SFMBT1: variants seen among roughly 807,000 people sequenced by gnomAD.
The protein encoded by SFMBT1 is scm-like with four MBT domains protein 1.
Under a neutral mutation model 108.7 loss-of-function variants are expected in SFMBT1, and 32 were observed. The observed-to-expected ratio is 0.29, with a 90% CI of 0.22 to 0.40. The LOEUF is 0.40. Ranked by LOEUF, SFMBT1 falls within the 10% of genes least tolerant of loss-of-function variation. The pLI, the probability that SFMBT1 is intolerant of heterozygous loss-of-function variation, is 1.00. For missense variants in SFMBT1, 816 were observed against 1,059.6 expected, an observed-to-expected ratio of 0.77 and a Z score of 3.19; for synonymous variants, 348 against 369.5, an observed-to-expected ratio of 0.94 and a Z score of 0.67.
At chr3:53,015,404 C>T (rs1368045759) in intron 1 of SFMBT1, among the ~76,000 whole-genome samples, 1 of 152,050 alleles carries the variant, frequency 6.6e-6, no homozygotes, top group Non-Finnish European at 1.5e-5. Context: ...ATAAGAGTTA[C>T]CATAGACCCA....
chr3:52,997,074 A>C (rs1006374684), intron 1 of SFMBT1, among the ~76,000 whole-genome samples: 1 of 149,260 alleles, frequency 6.7e-6, no homozygotes, highest in South Asian at 2.1e-4. Context: ...GTCTCAAAAA[A>C]AAACAAAAAC....
chr3:52,918,481 T>C lies in SFMBT1; in HGVS notation c.1415+3A>G, dbSNP rs1277024800. ...AAACTGTTCATATTATTACGTTACTTACTGTTTTTCTGGCTGAACCACTGC... is the reference window on the plus strand; with the variant it reads ...AAACTGTTCATATTATTACGTTACTCACTGTTTTTCTGGCTGAACCACTGC... On this transcript the variant is annotated splice_donor_region_variant and intron_variant, in intron 13 of 20. Transcript: ENST00000394752. The C allele has an allele frequency of 1.3e-6, 2 of 1,563,836 alleles. No homozygotes were observed. The highest frequency in any genetic ancestry group is 1.7e-6 in the Non-Finnish European group (2 of 1,160,796).
chr3:52,965,309 A>G (rs1704096018), intron 2 of SFMBT1, among the ~76,000 whole-genome samples: 1 of 133,854 alleles, frequency 7.5e-6, no homozygotes, highest in Non-Finnish European at 1.6e-5. Context: ...CAATCTAAAC[A>G]ACAGAGAGAA....
chr3:52,931,694 G>T (rs1159493537), intron 6 of SFMBT1, among the ~76,000 whole-genome samples: 1 of 152,058 alleles, frequency 6.6e-6, no homozygotes, highest in Non-Finnish European at 1.5e-5. Context: ...ACAAAAATTA[G>T]CCGGGTGTGG....
rs934661484 is a variant in SFMBT1, at chr3:53,001,925, T to A, written c.-130-32667A>T. Among the ~76,000 whole-genome samples the A allele has an allele frequency of 6.1e-3, 793 of 129,232 alleles. 36 individuals carry two copies. The highest frequency in any genetic ancestry group is 0.011 in the Admixed American group (138 of 12,128). 84.8% of individuals were successfully genotyped at this position (129,232 alleles called of 152,430 possible). A position where few individuals can be genotyped will look rare whatever the true frequency, so the allele number is the denominator to read the frequency against. On this transcript the variant is annotated intron_variant, in intron 1 of 20. Transcript: ENST00000394752. ...GGGCAACAGAGCAAGACCCAGTCTC[T>A]CACACACACACACACACACACACAC...
rs1433448316 is a variant in SFMBT1 at position 52,950,587 on chromosome 3, G to A, written c.123+3730C>T. 3.3e-5 allele frequency among the ~76,000 whole-genome samples: 5 copies of A among 152,084 alleles called. 1 individual carries two copies. Among genetic ancestry groups the A allele is most frequent in the South Asian group, 4.1e-4 (2 of 4,820 alleles). On this transcript the variant is annotated intron_variant, in intron 3 of 20. Coordinates refer to ENST00000394752, the MANE Select transcript of SFMBT1 (RefSeq NM_016329.4). ...CCTCCCAGATTCAAGCAATTCTCCC[G>A]TCTCAGCCTCCCAAGCAGCTGGAAT...
In SFMBT1 at chr3:52,903,946, AAGTCT is replaced by A. The variant is rs1448557497; in HGVS notation, c.*1185_*1189del. 3.3e-5 allele frequency: 5 copies of A among 152,364 alleles called. No homozygotes were observed. Among genetic ancestry groups the A allele is most frequent in the African/African-American group, 1.2e-4 (5 of 41,576 alleles). 9.4% of individuals were successfully genotyped at this position (152,364 alleles called of 1,614,324 possible). A position where few individuals can be genotyped will look rare whatever the true frequency, so the allele number is the denominator to read the frequency against. On this transcript the variant is annotated 3_prime_UTR_variant, in exon 21 of 21. Transcript: ENST00000394752. ...TTCAATTTAAAGGATTAGCTGAAAAAAGTCTAAGTGTGGCTAGGCAAAGAGGTTTC... is the reference window on the plus strand; with the variant it reads ...TTCAATTTAAAGGATTAGCTGAAAAAAAGTGTGGCTAGGCAAAGAGGTTTC...
At chr3:53,038,268 C>T (rs1405162598) in intron 1 of SFMBT1, among the ~76,000 whole-genome samples, 1 of 152,168 alleles carries the variant, frequency 6.6e-6, no homozygotes, top group Admixed American at 6.6e-5. Flanking sequence ...CTTTTACTAC[C>T]GTGGCTCTAT....
intron 1 of SFMBT1, among the ~76,000 whole-genome samples, chr3:53,044,253 T>C (rs548099257): frequency 6.6e-6 from 1 of 152,202 alleles, no homozygotes; most frequent in African/African-American, 2.4e-5. Flanking sequence ...TTTCTAAGAA[T>C]CTTTCAGTTA....
chr3:52,918,422 T>C (rs1702421756), intron 13 of SFMBT1, 62 bp downstream of exon 13: 9 of 1,321,418 alleles, frequency 6.8e-6, no homozygotes, highest in Non-Finnish European at 5.2e-6. Flanking sequence ...ATATACCCTC[T>C]GAAATAGTTA....
At chr3:52,930,884 T>C (rs1401187806) in intron 7 of SFMBT1, 57 bp downstream of exon 7, 6 of 1,449,398 alleles carry the variant, frequency 4.1e-6, no homozygotes, top group Middle Eastern at 1.7e-4. Flanking sequence ...ACCTCCTGCG[T>C]TGCTTTACTC....
rs1419189422 is a variant in SFMBT1 at position 52,951,457 on chromosome 3, C to T, written c.123+2860G>A. On this transcript the variant is annotated intron_variant, in intron 3 of 20. Coordinates refer to ENST00000394752, the MANE Select transcript of SFMBT1 (RefSeq NM_016329.4). ...TTGAGATGGCATTTTGCTCTTGTTG[C>T]CCAGGCTGGAGTGCAGTGGCATGAT... 7.3e-5 allele frequency among the ~76,000 whole-genome samples: 11 copies of T among 149,774 alleles called. No homozygotes were observed. In the East Asian group the frequency reaches 1.8e-3, roughly 24 times the overall value.
At chr3:52,976,895 C>G (rs1704537579) in intron 1 of SFMBT1, among the ~76,000 whole-genome samples, 2 of 152,078 alleles carry the variant, frequency 1.3e-5, no homozygotes, top group Non-Finnish European at 2.9e-5. Context: ...TTGGCAAAAA[C>G]AAAAGATTAG....
chr3:52,966,348 C>G (rs1291136979), intron 2 of SFMBT1, among the ~76,000 whole-genome samples: 2 of 147,938 alleles, frequency 1.4e-5, no homozygotes, highest in African/African-American at 2.5e-5. Context: ...GGACTAAAGC[C>G]GGCGCGGTGG....
chr3:52,991,912 G>A, intron 1 of SFMBT1, among the ~76,000 whole-genome samples: 1 of 152,178 alleles, frequency 6.6e-6, no homozygotes, highest in East Asian at 1.9e-4. Flanking sequence ...AAGTTACTGA[G>A]TCTCAGGTGT....
In SFMBT1 at chr3:52,999,161, G is replaced by A. The variant is rs111424710; in HGVS notation, c.-130-29903C>T. On this transcript the variant is annotated intron_variant, in intron 1 of 20. Coordinates refer to ENST00000394752, the MANE Select transcript of SFMBT1 (RefSeq NM_016329.4). ...GGAGATCCAGGCCTTCGCCAACAGC[G>A]GCCTGTTCTGGTGCAAGGGCCAGCC... Among the ~76,000 whole-genome samples the A allele has an allele frequency of 2.6e-3, 386 of 150,964 alleles. 7 individuals carry two copies. Among genetic ancestry groups the A allele is most frequent in the African/African-American group, 9.0e-3 (374 of 41,498 alleles).
chr3:52,911,289 T>C (rs552465425), intron 16 of SFMBT1, 111 bp from the exon 17 acceptor site: 2 of 1,108,548 alleles, frequency 1.8e-6, no homozygotes, highest in East Asian at 2.6e-5. Context: ...GAATATTCTA[T>C]GTCCTTTATA....
chr3:52,965,479 CA>C (rs757099931), intron 2 of SFMBT1, among the ~76,000 whole-genome samples: 1 of 151,070 alleles, frequency 6.6e-6, no homozygotes, highest in Non-Finnish European at 1.5e-5. Context: ...TCTTTTAAAG[CA>C]AAGCGTTGCG....
intron 1 of SFMBT1, among the ~76,000 whole-genome samples, chr3:52,985,955 C>T (rs111926339): frequency 2.6e-5 from 4 of 152,062 alleles, no homozygotes; most frequent in Middle Eastern, 3.4e-3. Context: ...CCAGCCTGGC[C>T]AACATGGTGA....
Sources: gnomAD v4.1 joint callset for allele counts (sites outside exome capture counted in the v4.1 genomes callset) on GRCh38, gnomAD v4.1.1 for gene constraint, MANE v1.5 for transcripts, NCBI Gene and HGNC (gene_info 2026-07-23, HGNC 2026-07-21) for gene names.